The following CCDC178 variants were observed in gnomAD, a reference collection of about 807,000 sequenced individuals.
CCDC178 encodes the protein coiled-coil domain-containing protein 178.
A neutral mutation model predicts 117.4 loss-of-function variants in CCDC178; 126 were observed. The observed-to-expected ratio is 1.07, with a 90% CI of 0.93 to 1.24. CCDC178 has a LOEUF of 1.24. Ranked by LOEUF, CCDC178 falls within the 50% of genes most tolerant of loss-of-function variation. CCDC178 has a pLI of 0.00. For synonymous variants in CCDC178, 283 were observed against 313.4 expected (o/e 0.90, Z 1.02); for missense variants, 1,030 against 986.9 (o/e 1.04, Z -0.59).
At chr18:33,375,776 G>A (rs144547206) in intron 5 of CCDC178, among the ~76,000 whole-genome samples, 450 of 152,212 alleles carry the variant, frequency 3.0e-3, no homozygotes, top group African/African-American at 0.011. Flanking sequence ...GAAATGATTT[G>A]AAAAGTAAAA....
At chr18:33,033,500 T>C (rs1012132076) in intron 21 of CCDC178, among the ~76,000 whole-genome samples, 59 of 152,200 alleles carry the variant, frequency 3.9e-4, no homozygotes, top group African/African-American at 1.3e-3. Flanking sequence ...CTCGCCTGTC[T>C]CCTTGAGGTT....
intron 12 of CCDC178, among the ~76,000 whole-genome samples, chr18:33,280,174 A>C (rs1599096854): frequency 6.6e-6 from 1 of 152,018 alleles, no homozygotes; most frequent in Admixed American, 6.6e-5. Flanking sequence ...CAACCTACAA[A>C]ATGGGAGAAA....
chr18:33,051,741 T>C (rs1015713841), intron 21 of CCDC178, among the ~76,000 whole-genome samples: 16 of 152,230 alleles, frequency 1.1e-4, no homozygotes, highest in African/African-American at 3.1e-4. Flanking sequence ...TGGTCACTGC[T>C]GACTCTGGTC....
chr18:33,144,732 C>T (rs952508003), intron 20 of CCDC178, among the ~76,000 whole-genome samples: 29 of 151,880 alleles, frequency 1.9e-4, no homozygotes, highest in South Asian at 2.1e-4. Flanking sequence ...AAATCATATT[C>T]GGTTTTAAAA....
chr18:33,333,206 C>CTTGA lies in CCDC178; in HGVS notation c.843_846dup (p.Asp283SerfsTer8). 6.2e-7 allele frequency: 1 copy of CTTGA among 1,601,964 alleles called. No individual in the cohort carries two copies. Among genetic ancestry groups the CTTGA allele is most frequent in the Non-Finnish European group, 8.5e-7 (1 of 1,173,750 alleles). Reference sequence around the variant, plus strand: ...TTTTTTTTATAATGGTTCTTCAGATCTTGAAGTTCCTGATTCTGCTTAGAG... The same window carrying CTTGA: ...TTTTTTTTATAATGGTTCTTCAGATCTTGATTGAAGTTCCTGATTCTGCTTAGAG... On this transcript the variant is annotated frameshift_variant, in exon 10 of 23. Transcript: ENST00000383096. LOFTEE classifies it high-confidence loss of function.
Position 33,101,779 on chromosome 18 carries a change from G to T in CCDC178, c.2239-8869C>A, listed in dbSNP as rs182523769. ...CAAATGAGAGAAAAACTGATCTAAG[G>T]GGTTCCAGAACACATATTATGGCAT... is the stretch of plus-strand genomic sequence containing the variant. On this transcript the variant is annotated intron_variant, in intron 20 of 22. Transcript: ENST00000383096. 7.0e-4 allele frequency among the ~76,000 whole-genome samples: 107 copies of T among 151,822 alleles called. 1 individual carries two copies. The East Asian group carries it at 0.017, about 24-fold the overall frequency.
chr18:33,190,857 C>A (rs2058849465), intron 20 of CCDC178, among the ~76,000 whole-genome samples: 1 of 152,000 alleles, frequency 6.6e-6, no homozygotes, highest in African/African-American at 2.4e-5. Context: ...TTAACTTATT[C>A]TTCGTTATTT....
intron 21 of CCDC178, among the ~76,000 whole-genome samples, chr18:33,062,759 T>C (rs1382095115): frequency 6.6e-6 from 1 of 152,104 alleles, no homozygotes; most frequent in Admixed American, 6.5e-5. Flanking sequence ...TGGCACCATT[T>C]TGAGACCCTA....
chr18:33,155,906 T>G (rs1598940514), intron 20 of CCDC178, among the ~76,000 whole-genome samples: 1 of 151,904 alleles, frequency 6.6e-6, no homozygotes, highest in Non-Finnish European at 1.5e-5. Context: ...CATACTTAAT[T>G]GTATATACAA....
intron 22 of CCDC178, among the ~76,000 whole-genome samples, chr18:32,971,507 A>G (rs2054925039): frequency 6.6e-6 from 1 of 152,202 alleles, no homozygotes; most frequent in Non-Finnish European, 1.5e-5. Context: ...TCTTTATAGT[A>G]GAATGATTTA....
intron 14 of CCDC178, 127 bp from the exon 15 acceptor site, chr18:33,245,555 A>G: frequency 9.7e-7 from 1 of 1,033,620 alleles, no homozygotes; most frequent in Non-Finnish European, 1.3e-6. Context: ...ATAATTAGCT[A>G]AAACTTGAAG....
At chr18:33,214,018 T>C (rs2059137040) in intron 19 of CCDC178, among the ~76,000 whole-genome samples, 1 of 152,014 alleles carries the variant, frequency 6.6e-6, no homozygotes, top group African/African-American at 2.4e-5. Context: ...CAGTAGATTA[T>C]TCATAAAACA....
At chr18:33,313,471 T>C (rs2062370686) in intron 11 of CCDC178, among the ~76,000 whole-genome samples, 1 of 152,232 alleles carries the variant, frequency 6.6e-6, no homozygotes, top group South Asian at 2.1e-4. Context: ...CCTCCAAATG[T>C]AGTTATATCA....
Position 33,293,148 on chromosome 18 carries a change from G to GA in CCDC178, c.1176+10dup, listed in dbSNP as rs2062057663. 2.6e-6 allele frequency: 4 copies of GA among 1,518,048 alleles called. No individual in the cohort carries two copies. The highest frequency in any genetic ancestry group is 3.6e-6 in the Non-Finnish European group (4 of 1,118,484). The allele number at this position is 1,518,048 out of a possible 1,614,324, so 94.0% of individuals were successfully genotyped here. On this transcript the variant is annotated intron_variant, in intron 12 of 22. Coordinates refer to ENST00000383096, the MANE Select transcript of CCDC178 (RefSeq NM_001105528.4). ...AATCAGTATTTTTTATTTCTAATATGAAAAACTCACCATTTTTGATAGAGA... is the reference window on the plus strand; with the variant it reads ...AATCAGTATTTTTTATTTCTAATATGAAAAAACTCACCATTTTTGATAGAGA...
chr18:33,121,510 A>G (rs1447988938), intron 20 of CCDC178, among the ~76,000 whole-genome samples: 1 of 152,164 alleles, frequency 6.6e-6, no homozygotes, highest in African/African-American at 2.4e-5. Context: ...AGACATAGAC[A>G]TGGATCGATA....
At chr18:33,007,734 T>C (rs754692724) in intron 21 of CCDC178, among the ~76,000 whole-genome samples, 2 of 152,118 alleles carry the variant, frequency 1.3e-5, no homozygotes, top group African/African-American at 4.8e-5. Context: ...ATTCACACAT[T>C]CAGTTTACTT....
At chr18:33,118,205 C>A (rs1413290201) in intron 20 of CCDC178, among the ~76,000 whole-genome samples, 1 of 151,990 alleles carries the variant, frequency 6.6e-6, no homozygotes, top group Non-Finnish European at 1.5e-5. Context: ...GCCTTTTGAG[C>A]ACTCAGTTAT....
At chr18:33,273,705 CA>C (rs1402049023) in intron 12 of CCDC178, among the ~76,000 whole-genome samples, 2 of 151,582 alleles carry the variant, frequency 1.3e-5, no homozygotes, top group Admixed American at 6.6e-5. Flanking sequence ...ATACCATACA[CA>C]AAAATTAACT....
chr18:33,438,752 A>C (rs1199556576), intron 2 of CCDC178, among the ~76,000 whole-genome samples: 3 of 152,150 alleles, frequency 2.0e-5, no homozygotes, highest in Non-Finnish European at 4.4e-5. Flanking sequence ...TCTACTTTAA[A>C]TATTCCAGTT....
Sources: allele counts gnomAD v4.1 joint callset (sites outside exome capture counted in the v4.1 genomes callset), GRCh38; gene constraint gnomAD v4.1.1; transcripts MANE v1.5; gene names NCBI Gene and HGNC (gene_info 2026-07-23, HGNC 2026-07-21).